GRK5: variants seen among roughly 807,000 people sequenced by gnomAD.
GRK5 encodes G protein-coupled receptor kinase 5, also known as g protein-coupled receptor kinase GRK5.
Under a neutral mutation model 78.4 loss-of-function variants are expected in GRK5, and 40 were observed. That is an observed-to-expected ratio of 0.51 (90% confidence interval 0.40 to 0.66). GRK5 has a LOEUF of 0.66. Among genes scored for constraint, GRK5 ranks in the 30% least tolerant of loss-of-function variants. GRK5 has a pLI of 0.00. For missense variants in GRK5, 598 were observed against 759.9 expected (o/e 0.79, Z 2.50); for synonymous variants, 289 against 296.8 (o/e 0.97, Z 0.27).
intron 1 of GRK5, among the ~76,000 whole-genome samples, chr10:119,318,458 A>G (rs150272089): frequency 1.1e-3 from 165 of 152,298 alleles, no homozygotes; most frequent in African/African-American, 3.7e-3. Flanking sequence ...CAAGGATGGT[A>G]TGTGAACCTG....
intron 2 of GRK5, among the ~76,000 whole-genome samples, chr10:119,338,438 T>C (rs528966230): frequency 8.5e-5 from 13 of 152,248 alleles, no homozygotes; most frequent in African/African-American, 3.1e-4. Flanking sequence ...AACGCCTTCA[T>C]GTAATTTCTT....
chr10:119,365,765 CA>C (rs1404019417), intron 2 of GRK5, among the ~76,000 whole-genome samples: 1 of 152,226 alleles, frequency 6.6e-6, no homozygotes, highest in Non-Finnish European at 1.5e-5. Context: ...CCCCTCAACA[CA>C]CCCTTTCTTA....
intron 3 of GRK5, among the ~76,000 whole-genome samples, chr10:119,389,726 T>A (rs1564914903): frequency 6.6e-6 from 1 of 151,808 alleles, no homozygotes; most frequent in African/African-American, 2.4e-5. Flanking sequence ...AAGCTTAACA[T>A]AAAAACCCTG....
intron 4 of GRK5, among the ~76,000 whole-genome samples, chr10:119,405,050 G>A (rs1852211353): frequency 6.6e-6 from 1 of 152,234 alleles, no homozygotes; most frequent in South Asian, 2.1e-4. Flanking sequence ...CATGGTTGCA[G>A]TGCCCCACCG....
chr10:119,272,079 G>A (rs1393385038), intron 1 of GRK5, among the ~76,000 whole-genome samples: 1 of 152,178 alleles, frequency 6.6e-6, no homozygotes, highest in African/African-American at 2.4e-5. Context: ...TAGATGTAGT[G>A]GTGATGCCCC....
intron 6 of GRK5, among the ~76,000 whole-genome samples, 183 bp downstream of exon 6, chr10:119,425,268 T>TACACAC (rs112640010): frequency 0.017 from 2,173 of 126,698 alleles, 31 homozygotes; most frequent in African/African-American, 0.046. Context: ...CACACACACA[T>TACACAC]ACACACACAC....
At chr10:119,432,779 A>G (rs1029529744) in intron 8 of GRK5, among the ~76,000 whole-genome samples, 1 of 152,170 alleles carries the variant, frequency 6.6e-6, no homozygotes, top group Admixed American at 6.5e-5. Context: ...CCATCTTTAA[A>G]CCACTACAGG....
intron 1 of GRK5, 101 bp downstream of exon 1, chr10:119,208,070 G>C: frequency 8.9e-7 from 1 of 1,123,662 alleles, no homozygotes; most frequent in South Asian, 1.5e-5. Flanking sequence ...CAGGATGCCC[G>C]CTGCCGGCGA....
chr10:119,415,081 C>CAAAAAAAAAAAAA (rs762165768), intron 4 of GRK5, among the ~76,000 whole-genome samples: 24 of 75,530 alleles, frequency 3.2e-4, no homozygotes, highest in Non-Finnish European at 3.7e-4. Context: ...GACTCTGTCT[C>CAAAAAAAAAAAAA]AAAAAAAAAA....
chr10:119,323,472 T>G (rs1371907986), intron 1 of GRK5, among the ~76,000 whole-genome samples: 1 of 152,148 alleles, frequency 6.6e-6, no homozygotes, highest in Non-Finnish European at 1.5e-5. Context: ...TCTGCTGAGC[T>G]AGGGTTTAGG....
chr10:119,423,732 C>T (rs1852616642), intron 5 of GRK5, among the ~76,000 whole-genome samples: 1 of 152,160 alleles, frequency 6.6e-6, no homozygotes, highest in South Asian at 2.1e-4. Context: ...CCCACCCCAT[C>T]CTGCACACAC....
At chr10:119,301,059 G>A (rs1012192674) in intron 1 of GRK5, among the ~76,000 whole-genome samples, 1 of 151,958 alleles carries the variant, frequency 6.6e-6, no homozygotes, top group Admixed American at 6.6e-5. Flanking sequence ...AGCCGAGATC[G>A]TGCCACTGCA....
chr10:119,321,735 C>A (rs10886458), intron 1 of GRK5, among the ~76,000 whole-genome samples: 1 of 151,998 alleles, frequency 6.6e-6, no homozygotes, highest in African/African-American at 2.4e-5. Context: ...TCCTGCCCAC[C>A]ACAGTCCCCC....
rs1471192737 is a variant in GRK5 at position 119,264,109 on chromosome 10, CTATATTTGTTATCA to C, written c.52+56141_52+56154del. Among the ~76,000 whole-genome samples the C allele has an allele frequency of 6.6e-6, 1 of 152,112 alleles. No individual in the cohort carries two copies. The highest frequency in any genetic ancestry group is 2.4e-5 in the African/African-American group (1 of 41,422). ...CAAATGTGATGCTCCTCAAGAGAGT[CTATATTTGTTATCA>C]AAATGAGCCACGTGCTTGCATGCCA... On this transcript the variant is annotated intron_variant, in intron 1 of 15. Coordinates refer to ENST00000392870, the MANE Select transcript of GRK5 (RefSeq NM_005308.3). The surrounding 1 kb of genome is among the most constrained non-coding windows in gnomAD (Gnocchi z 4.1).
chr10:119,439,843 C>T, intron 10 of GRK5, 75 bp downstream of exon 10: 3 of 1,452,486 alleles, frequency 2.1e-6, no homozygotes, highest in South Asian at 2.3e-5. Flanking sequence ...CAGGGATTCT[C>T]AGAGAGGGCT....
At chr10:119,215,149 A>G (rs942972488) in intron 1 of GRK5, among the ~76,000 whole-genome samples, 3 of 152,262 alleles carry the variant, frequency 2.0e-5, no homozygotes, top group Non-Finnish European at 4.4e-5. Context: ...AGTAGCCACT[A>G]GCTGTATGTT....
intron 2 of GRK5, chr10:119,333,504 G>A: frequency 1.1e-5 from 3 of 281,224 alleles, no homozygotes; most frequent in Non-Finnish European, 2.1e-5. Flanking sequence ...CATTGGTGGT[G>A]GAGTAAACAG....
intron 1 of GRK5, among the ~76,000 whole-genome samples, chr10:119,305,702 A>G (rs1214796392): frequency 1.3e-5 from 2 of 152,208 alleles, no homozygotes; most frequent in African/African-American, 4.8e-5. Flanking sequence ...AAGTGCCCAG[A>G]GCAACGTCAT....
intron 3 of GRK5, among the ~76,000 whole-genome samples, chr10:119,387,460 G>T (rs1018463405): frequency 2.0e-5 from 3 of 152,134 alleles, no homozygotes; most frequent in African/African-American, 7.2e-5. Context: ...GTTATCAAGG[G>T]TCTTCCAGGA....
Sources: gnomAD v4.1 joint callset for allele counts (sites outside exome capture counted in the v4.1 genomes callset) on GRCh38, gnomAD v4.1.1 for gene constraint, Gnocchi (gnomAD v3.1) non-coding constraint, MANE v1.5 for transcripts, NCBI Gene and HGNC (gene_info 2026-07-23, HGNC 2026-07-21) for gene names.